CORO2B: variants seen among roughly 807,000 people sequenced by gnomAD.
CORO2B encodes the protein coronin-2B.
CORO2B carries 26 observed loss-of-function variants against 58.8 expected under a neutral mutation model. That is an observed-to-expected ratio of 0.44 (90% CI 0.32 to 0.61). The LOEUF is 0.61. Ranked by LOEUF, CORO2B falls within the 20% of genes least tolerant of loss-of-function variation. The pLI, the probability that CORO2B is intolerant of heterozygous loss-of-function variation, is 0.04. For synonymous variants in CORO2B, 242 were observed against 253.8 expected, an observed-to-expected ratio of 0.95 and a Z score of 0.44; for missense variants, 460 against 645.1, an observed-to-expected ratio of 0.71 and a Z score of 3.11.
chr15:68,647,603 C>T lies in CORO2B; in HGVS notation c.216+2243C>T, dbSNP rs928256694. On this transcript the variant is annotated intron_variant, in intron 2 of 11. Coordinates refer to ENST00000261861, the MANE Select transcript of CORO2B (RefSeq NM_006091.5). Reference sequence around the variant, plus strand: ...GCTCTGGAGGCTGAGGCAGGGGAATCGCTTGAACCTGGGAGGCGGGGGTTG... The same window carrying T: ...GCTCTGGAGGCTGAGGCAGGGGAATTGCTTGAACCTGGGAGGCGGGGGTTG... Among the ~76,000 whole-genome samples, 9 of 150,828 alleles carry T rather than the reference C, an allele frequency of 6.0e-5. No homozygotes were observed. The South Asian group carries it at 8.4e-4, about 14-fold the overall frequency.
At chr15:68,714,446 C>T in intron 6 of CORO2B, 113 bp from the exon 7 acceptor site, 1 of 800,836 alleles carries the variant, frequency 1.2e-6, no homozygotes. Context: ...TTTTTAACAT[C>T]TAGGGGAGGT....
the CORO2B span, among the ~76,000 whole-genome samples, chr15:68,548,627 A>G: frequency 3.9e-5 from 6 of 152,206 alleles, no homozygotes; most frequent in African/African-American, 9.6e-5. Context: ...TTTCAAATTT[A>G]CTACTTATTG....
chr15:68,567,383 G>C, the CORO2B span, among the ~76,000 whole-genome samples: 1 of 152,198 alleles, frequency 6.6e-6, no homozygotes, highest in South Asian at 2.1e-4. Flanking sequence ...CAGGACAAAG[G>C]GGGTCTGACT....
chr15:68,688,729 C>T (rs1309934507), intron 2 of CORO2B, among the ~76,000 whole-genome samples: 1 of 152,206 alleles, frequency 6.6e-6, no homozygotes, highest in Non-Finnish European at 1.5e-5. Context: ...GTCCCCATTG[C>T]TGTCCCTATG....
chr15:68,579,494 T>G (rs1425522219), intron 1 of CORO2B, among the ~76,000 whole-genome samples: 1 of 151,766 alleles, frequency 6.6e-6, no homozygotes, highest in African/African-American at 2.4e-5. Context: ...CCCCGGCGGT[T>G]TGGCCAACAT....
At chr15:68,534,552 C>T in the CORO2B span, among the ~76,000 whole-genome samples, 1 of 152,234 alleles carries the variant, frequency 6.6e-6, no homozygotes, top group Admixed American at 6.5e-5. Context: ...TCCTGTCAGC[C>T]AGTCCAGGAA....
At chr15:68,617,772 C>T (rs761365787) in intron 1 of CORO2B, among the ~76,000 whole-genome samples, 1 of 152,168 alleles carries the variant, frequency 6.6e-6, no homozygotes, top group Admixed American at 6.5e-5. Flanking sequence ...CTTCCACTCA[C>T]TTCTAACAAC....
the CORO2B span, among the ~76,000 whole-genome samples, chr15:68,561,913 G>A: frequency 6.6e-6 from 1 of 152,036 alleles, no homozygotes; most frequent in African/African-American, 2.4e-5. Context: ...GACCGTGAGT[G>A]TGTGTTGTGA....
At chr15:68,688,195 GT>G (rs1314358045) in intron 2 of CORO2B, among the ~76,000 whole-genome samples, 1 of 152,184 alleles carries the variant, frequency 6.6e-6, no homozygotes, top group African/African-American at 2.4e-5. Context: ...TGTGTTTTTT[GT>G]AATAATATCT....
chr15:68,601,951 C>T (rs1351838465), intron 1 of CORO2B, among the ~76,000 whole-genome samples: 1 of 151,756 alleles, frequency 6.6e-6, no homozygotes, highest in Non-Finnish European at 1.5e-5. Flanking sequence ...GGGGGAGGAT[C>T]ACTGTGTCCC....
Position 68,717,444 on chromosome 15 carries a change from G to A in CORO2B, c.968-1254G>A, listed in dbSNP as rs572944108. Among the ~76,000 whole-genome samples the A allele has an allele frequency of 2.9e-4, 44 of 152,326 alleles. 1 individual carries two copies. Among genetic ancestry groups the A allele is most frequent in the South Asian group, 1.9e-3 (9 of 4,830 alleles). On this transcript the variant is annotated intron_variant, in intron 8 of 11. Transcript: ENST00000261861. ...AGAGAGAATAATAGGTGGGGAGAAGGAAGACGGGGAGAACAGTGTGAATCC... is the reference window on the plus strand; with the variant it reads ...AGAGAGAATAATAGGTGGGGAGAAGAAAGACGGGGAGAACAGTGTGAATCC...
chr15:68,685,229 G>C (rs1416058236), intron 2 of CORO2B, among the ~76,000 whole-genome samples: 4 of 152,058 alleles, frequency 2.6e-5, no homozygotes, highest in Admixed American at 2.6e-4. Context: ...ATTTTGTTTC[G>C]GGAGACAGTC....
intron 1 of CORO2B, among the ~76,000 whole-genome samples, chr15:68,592,814 G>A (rs1371186332): frequency 6.6e-6 from 1 of 152,202 alleles, no homozygotes; most frequent in Non-Finnish European, 1.5e-5. Context: ...GGGCTCATGG[G>A]GATATTGACC....
At chr15:68,709,717 T>C (rs79717204) in intron 3 of CORO2B, among the ~76,000 whole-genome samples, 1 of 152,158 alleles carries the variant, frequency 6.6e-6, no homozygotes, top group Non-Finnish European at 1.5e-5. Flanking sequence ...TCCTAAATTA[T>C]AGTCACATGT....
Position 68,630,917 on chromosome 15 carries a change from A to T in CORO2B, c.16-14243A>T, listed in dbSNP as rs1052079536. 3.4e-4 allele frequency among the ~76,000 whole-genome samples: 52 copies of T among 152,138 alleles called. 1 individual carries two copies. Among genetic ancestry groups the T allele is most frequent in the Non-Finnish European group, 8.8e-5 (6 of 68,032 alleles). On this transcript the variant is annotated intron_variant, in intron 1 of 11. Coordinates refer to ENST00000261861, the MANE Select transcript of CORO2B (RefSeq NM_006091.5). Reference sequence around the variant, plus strand: ...GTGTGTGCCAGTATGCCAAGAAAGAACTTTTCTTATGTCTCTCTCCTCTTA... The same window carrying T: ...GTGTGTGCCAGTATGCCAAGAAAGATCTTTTCTTATGTCTCTCTCCTCTTA...
intron 2 of CORO2B, among the ~76,000 whole-genome samples, chr15:68,664,429 C>T (rs571147886): frequency 5.3e-5 from 8 of 152,256 alleles, no homozygotes; most frequent in Middle Eastern, 3.4e-3. Flanking sequence ...AGGCGGATCA[C>T]GAGGTCAGGA....
intron 2 of CORO2B, among the ~76,000 whole-genome samples, chr15:68,691,126 G>C (rs1384725224): frequency 6.6e-6 from 1 of 150,988 alleles, no homozygotes; most frequent in Admixed American, 6.6e-5. Context: ...TCAGGAGATC[G>C]AGACCATCCT....
At chr15:68,536,938 G>A in the CORO2B span, among the ~76,000 whole-genome samples, 11 of 152,298 alleles carry the variant, frequency 7.2e-5, no homozygotes, top group East Asian at 1.9e-3. Flanking sequence ...ATGCTGGCAG[G>A]GAAACCACGA....
chr15:68,612,853 A>G (rs1483198393), intron 1 of CORO2B, among the ~76,000 whole-genome samples: 1 of 152,194 alleles, frequency 6.6e-6, no homozygotes, highest in Non-Finnish European at 1.5e-5. Flanking sequence ...GAAAGGTGAC[A>G]GTATCTGGTT....
Sources: allele counts gnomAD v4.1 joint callset (sites outside exome capture counted in the v4.1 genomes callset), GRCh38; gene constraint gnomAD v4.1.1; transcripts MANE v1.5; gene names NCBI Gene and HGNC (gene_info 2026-07-23, HGNC 2026-07-21).